The following TUBGCP2 variants were observed in gnomAD, a reference collection of about 807,000 sequenced individuals.
TUBGCP2 encodes tubulin gamma complex component 2, also known as gamma-tubulin complex component 2.
TUBGCP2 carries 55 observed loss-of-function variants against 92.2 expected under a neutral mutation model. The observed-to-expected ratio is 0.60, with a 90% CI of 0.48 to 0.75. The LOEUF is 0.75. Among genes scored for constraint, TUBGCP2 ranks in the 30% least tolerant of loss-of-function variants. The pLI, the probability that TUBGCP2 is intolerant of heterozygous loss-of-function variation, is 0.00. For missense variants in TUBGCP2, 1,093 were observed against 1,188.9 expected, an observed-to-expected ratio of 0.92 and a Z score of 1.19; for synonymous variants, 533 against 505.2, an observed-to-expected ratio of 1.06 and a Z score of -0.74.
chr10:133,302,957 G>A lies in TUBGCP2; in HGVS notation c.-16C>T, dbSNP rs759344812. On this transcript the variant is annotated 5_prime_UTR_variant, in exon 2 of 18. Transcript: ENST00000252936. ...ATTCACTCATAGTTTTAGCTCTGAG[G>A]CACGAACATCACAATATGTTCTCCT... 2.5e-6 allele frequency: 4 copies of A among 1,613,898 alleles called. No homozygotes were observed. In the South Asian group the frequency reaches 3.3e-5, roughly 13 times the overall value.
rs539586671 is a variant in TUBGCP2 at position 133,293,548 on chromosome 10, C to T, written c.824+14G>A. ...CAACAGCGCAGGCTCCCAGGGACCG[C>T]GCCCGGTGCCCACCTGGTCACAGCG... is the stretch of plus-strand genomic sequence containing the variant. On this transcript the variant is annotated intron_variant, in intron 6 of 17. Coordinates refer to ENST00000252936, the MANE Select transcript of TUBGCP2 (RefSeq NM_006659.4). 80 of 1,549,940 alleles carry T rather than the reference C, an allele frequency of 5.2e-5. No individual in the cohort carries two copies. The highest frequency in any genetic ancestry group is 6.2e-5 in the Non-Finnish European group (71 of 1,146,434).
rs1329925531 is a variant in TUBGCP2 at position 133,293,207 on chromosome 10, C to G, written c.856G>C (p.Gly286Arg). 6.2e-7 allele frequency: 1 copy of G among 1,613,774 alleles called. No homozygotes were observed. The highest frequency in any genetic ancestry group is 2.2e-5 in the East Asian group (1 of 44,892). Reference sequence around the variant, plus strand: ...GCCGCCAGGGCGTGGTTCACCTGCCCGTACTCGAAGGAAGACTTCTCTTCA... The same window carrying G: ...GCCGCCAGGGCGTGGTTCACCTGCCGGTACTCGAAGGAAGACTTCTCTTCA... ...FIEEKSSFEY[G>R]QVNHALAAAM... The change falls in exon 7 of 18, where the codon GGG (glycine) becomes CGG (arginine). Residue 286 changes from glycine (G) to arginine (R), a missense_variant. Gly to Arg is a moderately radical substitution (Grantham distance 125). This residue lies in a region of TUBGCP2 where 490 missense variants were observed against 488.5 expected (regional missense o/e 1.00). Transcript: ENST00000252936.
chr10:133,298,247 T>C (rs1326159623), intron 4 of TUBGCP2, 136 bp from the exon 5 acceptor site: 2 of 975,804 alleles, frequency 2.0e-6, no homozygotes, highest in African/African-American at 1.6e-5. Flanking sequence ...GTCAACCACA[T>C]AGAAATGAAA....
intron 2 of TUBGCP2, among the ~76,000 whole-genome samples, chr10:133,300,831 T>A (rs1311527774): frequency 6.6e-6 from 1 of 152,140 alleles, no homozygotes; most frequent in East Asian, 1.9e-4. Flanking sequence ...CCCCCAGTAG[T>A]TTATGCGTTC....
chr10:133,308,738 G>T (rs1248155046), intron 1 of TUBGCP2, 85 bp downstream of exon 1: 2 of 327,086 alleles, frequency 6.1e-6, no homozygotes, highest in African/African-American at 2.2e-5. Context: ...CGTCCCGCCA[G>T]CCCCGTCGCC....
chr10:133,296,570 C>G (rs1306377473), intron 5 of TUBGCP2, among the ~76,000 whole-genome samples: 1 of 152,004 alleles, frequency 6.6e-6, no homozygotes, highest in Non-Finnish European at 1.5e-5. Flanking sequence ...CTCGACCTCT[C>G]AGGCTCAAGT....
intron 8 of TUBGCP2, among the ~76,000 whole-genome samples, chr10:133,291,936 CCT>C (rs1261440704): frequency 2.9e-5 from 1 of 34,234 alleles, no homozygotes; most frequent in Non-Finnish European, 5.8e-5. Flanking sequence ...CCCCCATGTC[CCT>C]CCGTGTCCCT....
intron 2 of TUBGCP2, among the ~76,000 whole-genome samples, chr10:133,301,331 G>A (rs1847649976): frequency 6.6e-6 from 1 of 152,006 alleles, no homozygotes; most frequent in Admixed American, 6.6e-5. Flanking sequence ...CTCCATGTTG[G>A]CCAGGCTGGT....
chr10:133,302,608 G>GCACCCTGACCCAGGGGTGGGCT, intron 2 of TUBGCP2, 184 bp downstream of exon 2: 2 of 660,920 alleles, frequency 3.0e-6, no homozygotes, highest in South Asian at 1.9e-5. Context: ...TGTTCATCCT[G>GCACCCTGACCCAGGGGTGGGCT]CACCCTGACC....
chr10:133,288,328 G>A lies in TUBGCP2; in HGVS notation c.1542-19C>T, dbSNP rs745702505. 20 of 1,610,244 alleles carry A rather than the reference G, an allele frequency of 1.2e-5. No individual in the cohort carries two copies. Among genetic ancestry groups the A allele is most frequent in the South Asian group, 8.8e-5 (8 of 90,880 alleles). ...GATGGACCTGCGCCAGGGAGCAGGC[G>A]TGAGCAGGTGCCCACCCGCAGGTGC... On this transcript the variant is annotated intron_variant, in intron 10 of 17. Transcript: ENST00000252936.
chr10:133,292,756 C>G, intron 7 of TUBGCP2, 68 bp from the exon 8 acceptor site: 1 of 1,526,810 alleles, frequency 6.5e-7, no homozygotes, highest in East Asian at 2.4e-5. Context: ...AACAACACTG[C>G]TGGGGCCCCT....
At position 133,285,071 on chromosome 10, in the gene TUBGCP2, G is replaced by C; in HGVS notation, c.2024+14C>G. On this transcript the variant is annotated intron_variant, in intron 13 of 17. Coordinates refer to ENST00000252936, the MANE Select transcript of TUBGCP2 (RefSeq NM_006659.4). This position sits in a 1 kb window ranked among gnomAD's most constrained non-coding sequence, Gnocchi z 6.8. Reference sequence around the variant, plus strand: ...TGCTTCAGGAGGGCATGCGGGGGCAGAGGAAGAACGCACCACTGGGCGGAG... The same window carrying C: ...TGCTTCAGGAGGGCATGCGGGGGCACAGGAAGAACGCACCACTGGGCGGAG... The C allele has an allele frequency of 6.3e-7, 1 of 1,592,666 alleles. No homozygotes were observed. The highest frequency in any genetic ancestry group is 8.6e-7 in the Non-Finnish European group (1 of 1,165,644).
chr10:133,309,369 C>T (rs757684857), upstream of TUBGCP2: 13 of 1,607,836 alleles, frequency 8.1e-6, no homozygotes, highest in Non-Finnish European at 1.1e-5. Flanking sequence ...TGGCCCCGCC[C>T]ACGGCGCACT....
chr10:133,309,199 G>T, upstream of TUBGCP2: 1 of 1,376,562 alleles, frequency 7.3e-7, no homozygotes, highest in South Asian at 1.6e-5. Flanking sequence ...CGACTGCGGG[G>T]CGGGGCCGGA....
rs781028187 is a variant in TUBGCP2 at position 133,288,327 on chromosome 10, C to T, written c.1542-18G>A. The stretch of plus-strand genomic sequence containing the variant: ...TGATGGACCTGCGCCAGGGAGCAGG[C>T]GTGAGCAGGTGCCCACCCGCAGGTG... On this transcript the variant is annotated intron_variant, in intron 10 of 17. Coordinates refer to ENST00000252936, the MANE Select transcript of TUBGCP2 (RefSeq NM_006659.4). 10 of 1,610,784 alleles carry T rather than the reference C, an allele frequency of 6.2e-6. No homozygotes were observed. The Middle Eastern group carries it at 5.0e-4, about 81-fold the overall frequency.
intron 16 of TUBGCP2, 87 bp downstream of exon 16, chr10:133,282,136 G>C: frequency 3.1e-6 from 5 of 1,588,486 alleles, no homozygotes; most frequent in Non-Finnish European, 3.4e-6. Flanking sequence ...AAAGGGGGGA[G>C]GTTTGTTCTC....
At chr10:133,297,478 C>G in intron 5 of TUBGCP2, 1 of 434,516 alleles carries the variant, frequency 2.3e-6, no homozygotes, top group Non-Finnish European at 4.5e-6. Context: ...CCAATAACAA[C>G]GTCTTGAAAT....
In TUBGCP2 at chr10:133,281,368, G is replaced by T. The variant is rs202151296; in HGVS notation, c.2478C>A (p.Asp826Glu). 1.2e-4 allele frequency: 199 copies of T among 1,613,786 alleles called. No homozygotes were observed. Among genetic ancestry groups the T allele is most frequent in the Non-Finnish European group, 3.1e-5 (36 of 1,180,030 alleles). Residue 826 changes from aspartate (D) to glutamate (E), a missense_variant, in exon 17 of 18, where the codon GAC becomes GAA. Asp to Glu is a conservative substitution (Grantham distance 45). Coordinates refer to ENST00000252936, the MANE Select transcript of TUBGCP2 (RefSeq NM_006659.4). ...CCAGCAGGTGGGCTGAGAAGTTCTT[G>T]TCAAACTTGTTGATGGTGGCCTCGA... ...SGFEATINKF[D>E]KNFSAHLLDL...
chr10:133,289,699 G>A (rs1249803056), intron 9 of TUBGCP2, 125 bp downstream of exon 9: 37 of 1,134,620 alleles, frequency 3.3e-5, no homozygotes, highest in Non-Finnish European at 3.9e-5. Flanking sequence ...CCGCATTCAC[G>A]GACACCAGGG....
Sources: gnomAD v4.1 joint callset for allele counts (sites outside exome capture counted in the v4.1 genomes callset) on GRCh38, gnomAD v4.1.1 for gene constraint, gnomAD v4.1.1 regional missense constraint, Gnocchi (gnomAD v3.1) non-coding constraint, MANE v1.5 for transcripts, NCBI Gene and HGNC (gene_info 2026-07-23, HGNC 2026-07-21) for gene names.